Variants in UACA observed in about 807,000 individuals in gnomAD.
UACA encodes uveal autoantigen with coiled-coil domains and ankyrin repeats.
UACA carries 112 observed loss-of-function variants against 160.5 expected under a neutral mutation model. The ratio of observed to expected loss-of-function variants is 0.70; its 90% CI spans 0.60 to 0.82. UACA has a LOEUF of 0.82. Ranked by LOEUF, UACA falls within the 40% of genes least tolerant of loss-of-function variation. The probability of loss-of-function intolerance (pLI) is 0.00; values close to 1 mark genes in which losing one functional copy is unlikely to be tolerated. For missense variants in UACA, 1,574 were observed against 1,614.6 expected (o/e 0.97, Z 0.43); for synonymous variants, 557 against 568.4 (o/e 0.98, Z 0.29).
chr15:70,681,709 T>C (rs1897512974), intron 9 of UACA: 1 of 152,166 alleles, frequency 6.6e-6, no homozygotes. Flanking sequence ...TTGCTCCAGA[T>C]GGAAAAGTGT....
intron 1 of UACA, among the ~76,000 whole-genome samples, chr15:70,700,318 T>TACACACAC (rs34361847): frequency 4.2e-4 from 58 of 139,690 alleles, no homozygotes; most frequent in African/African-American, 1.6e-3. Flanking sequence ...TATATATATA[T>TACACACAC]ACACACACAC....
At chr15:70,763,627 C>T (rs1416309506), upstream of UACA, 4 of 882,176 alleles carry the variant, frequency 4.5e-6, no homozygotes, top group Admixed American at 4.3e-5. Flanking sequence ...TGGCAAACCG[C>T]GACCAATCGG....
Position 70,684,372 on chromosome 15 carries a change from A to G in UACA, c.677T>C (p.Ile226Thr), listed in dbSNP as rs764476030. ...VEVLIKNGAD[I>T]SLLDALGHDS... ...ATGGCCAAGCGCATCCAGCAAGCTT[A>G]TATCAGCACCATTTTTAATTAAGAC... Residue 226 changes from isoleucine to threonine, a missense_variant, in exon 8 of 19, where the codon ATA becomes ACA. Physicochemically the swap from Ile to Thr is moderately conservative, Grantham distance 89 (BLOSUM62 -1). Transcript: ENST00000322954. 1.2e-6 allele frequency: 2 copies of G among 1,613,866 alleles called. No homozygotes were observed. Among genetic ancestry groups the G allele is most frequent in the East Asian group, 2.2e-5 (1 of 44,854 alleles).
chr15:70,700,922 A>C (rs573935211), intron 1 of UACA, among the ~76,000 whole-genome samples: 1 of 152,218 alleles, frequency 6.6e-6, no homozygotes, highest in African/African-American at 2.4e-5. Context: ...TATATCCTCT[A>C]CATGTTTGAT....
intron 1 of UACA, among the ~76,000 whole-genome samples, chr15:70,761,714 T>G (rs2030770666): frequency 6.6e-6 from 1 of 152,216 alleles, no homozygotes; most frequent in Admixed American, 6.5e-5. Flanking sequence ...TATTATGTCA[T>G]TTTGAGAAAA....
chr15:70,677,442 G>A (rs1276128462), intron 11 of UACA, among the ~76,000 whole-genome samples: 1 of 152,086 alleles, frequency 6.6e-6, no homozygotes, highest in Non-Finnish European at 1.5e-5. Context: ...CTATAGTTCA[G>A]CCTTTTGCTT....
At chr15:70,748,445 G>C (rs903606568) in intron 1 of UACA, among the ~76,000 whole-genome samples, 1 of 152,198 alleles carries the variant, frequency 6.6e-6, no homozygotes, top group Non-Finnish European at 1.5e-5. Context: ...AGATGCAGCA[G>C]TGAAGCCTGG....
chr15:70,735,011 G>A (rs1159380175), intron 1 of UACA, among the ~76,000 whole-genome samples: 1 of 17,534 alleles, frequency 5.7e-5, no homozygotes, highest in East Asian at 7.4e-4. Context: ...GTCGGGGGAG[G>A]GGGGAGGGAT....
intron 18 of UACA, among the ~76,000 whole-genome samples, chr15:70,658,046 C>T (rs1411969386): frequency 2.0e-5 from 3 of 151,620 alleles, no homozygotes; most frequent in African/African-American, 7.3e-5. Flanking sequence ...TATGATTGTG[C>T]CACAGCACTC....
At position 70,668,276 on chromosome 15, in the gene UACA, AAC is replaced by A. The variant is rs749389307; in HGVS notation, c.2406_2407del (p.Phe803CysfsTer4). ...TTTTTCATGTTTCTCAGGAGGTACA[AAC>A]ACAGTTTCTAGGCGGCTTACATCCT... On this transcript the variant is annotated frameshift_variant, in exon 16 of 19. Coordinates refer to ENST00000322954, the MANE Select transcript of UACA (RefSeq NM_018003.4). LOFTEE classifies it high-confidence loss of function. 3.1e-6 allele frequency: 5 copies of A among 1,613,586 alleles called. No homozygotes were observed. Among genetic ancestry groups the A allele is most frequent in the South Asian group, 2.2e-5 (2 of 91,012 alleles).
intron 1 of UACA, among the ~76,000 whole-genome samples, chr15:70,738,937 C>T (rs547242192): frequency 1.5e-4 from 23 of 152,324 alleles, no homozygotes; most frequent in African/African-American, 5.5e-4. Flanking sequence ...GATGGCCCAG[C>T]ATGGGCTTGT....
intron 1 of UACA, among the ~76,000 whole-genome samples, chr15:70,718,323 A>AGTGTGTGTGTGT (rs1491099807): frequency 1.5e-3 from 23 of 15,614 alleles, no homozygotes; most frequent in Admixed American, 2.4e-3. Context: ...AGAGAGAGAG[A>AGTGTGTGTGTGT]ATGTGTGTGT....
rs563797508 is a variant in UACA, at chr15:70,729,675, G to A, written c.79-30015C>T. ...TGTGGAGGGAGGAGCCAAGATGGCC[G>A]AATAGGAACAGCTCCGGTCTACAGC... On this transcript the variant is annotated intron_variant, in intron 1 of 18. Coordinates refer to ENST00000322954, the MANE Select transcript of UACA (RefSeq NM_018003.4). Among the ~76,000 whole-genome samples, 15 of 142,268 alleles carry A rather than the reference G, an allele frequency of 1.1e-4. 1 individual carries two copies. Among genetic ancestry groups the A allele is most frequent in the East Asian group, 5.9e-4 (3 of 5,084 alleles). The allele number at this position is 142,268 out of a possible 152,430, so 93.3% of individuals were successfully genotyped here.
At chr15:70,715,543 AATT>A (rs1898797701) in intron 1 of UACA, among the ~76,000 whole-genome samples, 1 of 152,210 alleles carries the variant, frequency 6.6e-6, no homozygotes, top group Non-Finnish European at 1.5e-5. Context: ...GTAAAATGGG[AATT>A]ATAAGGTTAT....
chr15:70,687,743 A>T lies in UACA; in HGVS notation c.495+7T>A, dbSNP rs1254829049. 6.2e-7 allele frequency: 1 copy of T among 1,613,594 alleles called. No homozygotes were observed. The highest frequency in any genetic ancestry group is 8.5e-7 in the Non-Finnish European group (1 of 1,179,740). ...GTTGAAATGAGAATAAACATAAACTAACTTACTACATCTTTGGCATTCACA... is the reference window on the plus strand; with the variant it reads ...GTTGAAATGAGAATAAACATAAACTTACTTACTACATCTTTGGCATTCACA... On this transcript the variant is annotated splice_region_variant and intron_variant, in intron 6 of 18. Transcript: ENST00000322954.
upstream of UACA, among the ~76,000 whole-genome samples, chr15:70,767,101 G>C (rs1187163272): frequency 6.6e-6 from 1 of 151,716 alleles, no homozygotes; most frequent in African/African-American, 2.4e-5. Context: ...TTAGCCAGGC[G>C]TGGTGGCAGG....
intron 2 of UACA, among the ~76,000 whole-genome samples, chr15:70,695,456 A>T (rs920929095): frequency 6.6e-6 from 1 of 152,184 alleles, no homozygotes; most frequent in Non-Finnish European, 1.5e-5. Context: ...TTTCTATCAG[A>T]TTATTTTATT....
chr15:70,667,923 C>G lies in UACA; in HGVS notation c.2761G>C (p.Glu921Gln), dbSNP rs745522222. Reference protein sequence around the residue: ...LENTQNQIKAEYISLAEHEAK... With the variant: ...LENTQNQIKAQYISLAEHEAK... ...TCGTGCTCTGCCAGGCTGATGTACT[C>G]AGCTTTTATTTGGTTCTGAGTGTTT... The change falls in exon 16 of 19, where the codon GAG (glutamate) becomes CAG (glutamine). Residue 921 changes from glutamate (E) to glutamine (Q), a missense_variant. Coordinates refer to ENST00000322954, the MANE Select transcript of UACA (RefSeq NM_018003.4). 6.2e-7 allele frequency: 1 copy of G among 1,613,854 alleles called. No homozygotes were observed. The highest frequency in any genetic ancestry group is 1.7e-5 in the Admixed American group (1 of 59,926).
intron 1 of UACA, among the ~76,000 whole-genome samples, chr15:70,743,326 T>G (rs76086330): frequency 0.027 from 4,141 of 152,334 alleles, 210 homozygotes; most frequent in African/African-American, 0.094. Context: ...AGTAACTTAA[T>G]TACATCTGCA....
Sources: allele counts gnomAD v4.1 joint callset (sites outside exome capture counted in the v4.1 genomes callset), GRCh38; gene constraint gnomAD v4.1.1; transcripts MANE v1.5; gene names NCBI Gene and HGNC (gene_info 2026-07-23, HGNC 2026-07-21).